Variants in CC2D2B observed in about 807,000 individuals in gnomAD.
CC2D2B encodes protein CC2D2B.
Under a neutral mutation model 161.2 loss-of-function variants are expected in CC2D2B, and 128 were observed. That is an observed-to-expected ratio of 0.79 (90% CI 0.69 to 0.92). The LOEUF (loss-of-function observed/expected upper bound fraction) is 0.92. CC2D2B is among the 40% of genes least tolerant of loss of function. The probability of loss-of-function intolerance (pLI) is 0.00; values close to 1 mark genes in which losing one functional copy is unlikely to be tolerated. For synonymous variants in CC2D2B, 391 were observed against 449.8 expected (o/e 0.87, Z 1.65); for missense variants, 1,173 against 1,375.1 (o/e 0.85, Z 2.32).
At chr10:95,962,958 C>T (rs1368318706) in intron 12 of CC2D2B, among the ~76,000 whole-genome samples, 1 of 152,054 alleles carries the variant, frequency 6.6e-6, no homozygotes, top group African/African-American at 2.4e-5. Context: ...TAGGGTTACC[C>T]AGAACAATGG....
chr10:95,973,861 C>CAA (rs576579109), intron 16 of CC2D2B, 148 bp from the exon 17 acceptor site: 4,645 of 231,842 alleles, frequency 0.02, 3 homozygotes, highest in Middle Eastern at 0.04. Context: ...AACTCTGTCT[C>CAA]AAAAAAAAAA....
intron 6 of CC2D2B, among the ~76,000 whole-genome samples, chr10:95,936,828 C>A (rs915993437): frequency 3.9e-5 from 6 of 152,132 alleles, no homozygotes; most frequent in African/African-American, 1.4e-4. Context: ...ACCATCAGGG[C>A]AGACCTTAGC....
intron 25 of CC2D2B, 30 bp downstream of exon 25, chr10:96,004,278 C>A: frequency 1.7e-6 from 2 of 1,153,874 alleles, no homozygotes; most frequent in Non-Finnish European, 1.2e-6. Flanking sequence ...ATAGCCAATG[C>A]TGAAATAATT....
intron 22 of CC2D2B, chr10:95,993,043 ACTCT>A (rs1690083066): frequency 6.0e-6 from 1 of 166,384 alleles, no homozygotes; most frequent in South Asian, 2.0e-4. Flanking sequence ...CATGCCACTG[ACTCT>A]CTCAGTACTG....
chr10:96,017,837 T>C (rs1157412199), intron 30 of CC2D2B, among the ~76,000 whole-genome samples: 1 of 152,044 alleles, frequency 6.6e-6, no homozygotes, highest in African/African-American at 2.4e-5. Flanking sequence ...ATACTTAGAC[T>C]GAGGAGGGAA....
At chr10:95,987,471 T>C (rs2077777259) in intron 19 of CC2D2B, among the ~76,000 whole-genome samples, 1 of 152,210 alleles carries the variant, frequency 6.6e-6, no homozygotes, top group Admixed American at 6.5e-5. Flanking sequence ...GAGCATGCGT[T>C]GTTTCATGGC....
chr10:95,971,567 C>T (rs1378426601), intron 15 of CC2D2B, among the ~76,000 whole-genome samples: 1 of 152,078 alleles, frequency 6.6e-6, no homozygotes, highest in Non-Finnish European at 1.5e-5. Flanking sequence ...CCTCCCTCAC[C>T]ACTCCCATAG....
chr10:95,988,526 T>A (rs1013375333), intron 20 of CC2D2B, among the ~76,000 whole-genome samples, 184 bp downstream of exon 20: 3 of 152,226 alleles, frequency 2.0e-5, no homozygotes, highest in African/African-American at 7.2e-5. Context: ...GGTTACTTCA[T>A]TGACAGTGAA....
chr10:95,923,012 G>C (rs1451407268), intron 3 of CC2D2B, among the ~76,000 whole-genome samples: 1 of 151,782 alleles, frequency 6.6e-6, no homozygotes, highest in Admixed American at 6.6e-5. Flanking sequence ...GAGTGCAATG[G>C]CGTGATCTCG....
chr10:95,931,129 C>G (rs1162754578), intron 6 of CC2D2B, among the ~76,000 whole-genome samples: 1 of 152,014 alleles, frequency 6.6e-6, no homozygotes, highest in African/African-American at 2.4e-5. Context: ...TGTATGTGTC[C>G]AGGAATTTAT....
rs576396959 is a variant in CC2D2B, at chr10:95,989,703, G to A, written c.2379+1361G>A. Among the ~76,000 whole-genome samples, 131 of 152,202 alleles carry A rather than the reference G, an allele frequency of 8.6e-4. 2 individuals are homozygous for A. The highest frequency in any genetic ancestry group is 2.8e-3 in the African/African-American group (115 of 41,532). ...TGCTTGAACTTCATACAGGAATCCC[G>A]GAAAGGCACTTTCCAAACATTTTGT... is the stretch of plus-strand genomic sequence containing the variant. On this transcript the variant is annotated intron_variant, in intron 20 of 34. Transcript: ENST00000646931.
rs17383738 is a variant in CC2D2B, at chr10:96,012,601, A to G, written c.3298A>G (p.Asn1100Asp). 202,685 of 1,611,982 alleles carry G rather than the reference A, an allele frequency of 0.13. 13,661 individuals carry two copies. Among genetic ancestry groups the G allele is most frequent in the African/African-American group, 0.15 (11,324 of 74,958 alleles). ...FKKNCKAMFP[N>D]RRIVTTVFND... ...AAAGAATTGTAAGGCAATGTTTCCCAACCGAAGAATCGTAACTACTGTTTT... is the reference window on the plus strand; with the variant it reads ...AAAGAATTGTAAGGCAATGTTTCCCGACCGAAGAATCGTAACTACTGTTTT... The change falls in exon 28 of 35, where the codon AAC becomes GAC. Residue 1100 changes from asparagine to aspartate, a missense_variant. Asn to Asp is a conservative substitution (Grantham distance 23). Coordinates refer to ENST00000646931, the MANE Select transcript of CC2D2B (RefSeq NM_001349008.3).
intron 33 of CC2D2B, 100 bp downstream of exon 33, chr10:96,025,011 G>T: frequency 1.5e-6 from 1 of 667,486 alleles, no homozygotes; most frequent in Non-Finnish European, 2.5e-6. Flanking sequence ...CATGAAAAAG[G>T]AGTTTATAAT....
intron 32 of CC2D2B, chr10:96,022,660 C>G (rs1257093372): frequency 6.6e-6 from 1 of 152,062 alleles, no homozygotes; most frequent in Non-Finnish European, 1.5e-5. Flanking sequence ...CTTGTTCATT[C>G]AGGTGATATT....
At chr10:95,939,767 G>A (rs538297886) in intron 9 of CC2D2B, among the ~76,000 whole-genome samples, 2 of 152,070 alleles carry the variant, frequency 1.3e-5, no homozygotes, top group Non-Finnish European at 2.9e-5. Flanking sequence ...ATGTCTGTTG[G>A]TTATTAGGAC....
At chr10:96,002,917 G>A (rs115231527) in intron 24 of CC2D2B, among the ~76,000 whole-genome samples, 4,381 of 151,732 alleles carry the variant, frequency 0.029, 101 homozygotes, top group African/African-American at 0.061. Flanking sequence ...TGGTGGTACA[G>A]CCTGTAGGCC....
chr10:95,919,546 A>G (rs1407203481), intron 2 of CC2D2B: 2 of 152,182 alleles, frequency 1.3e-5, no homozygotes, highest in Non-Finnish European at 1.5e-5. Context: ...AGTGATGCAG[A>G]CACTCCCATG....
At chr10:95,990,281 G>A (rs1039237886) in intron 20 of CC2D2B, among the ~76,000 whole-genome samples, 1 of 152,136 alleles carries the variant, frequency 6.6e-6, no homozygotes, top group Non-Finnish European at 1.5e-5. Context: ...GGGTTGGGGT[G>A]AGTAAGGGCA....
rs747558917 is a variant in CC2D2B at position 96,012,545 on chromosome 10, CAG to C, written c.3245_3246del (p.Glu1082GlyfsTer9). The C allele has an allele frequency of 1.9e-6, 3 of 1,608,942 alleles. No individual in the cohort carries two copies. The highest frequency in any genetic ancestry group is 8.5e-7 in the Non-Finnish European group (1 of 1,175,594). On this transcript the variant is annotated frameshift_variant, in exon 28 of 35. Transcript: ENST00000646931. LOFTEE classifies it high-confidence loss of function. ...ATTTTATTGTAGTTTTTAGATCAAA[CAG>C]AGGTCTTGCAGAGAGCACAGATTTT...
Sources: gnomAD v4.1 joint callset for allele counts (sites outside exome capture counted in the v4.1 genomes callset) on GRCh38, gnomAD v4.1.1 for gene constraint, MANE v1.5 for transcripts, NCBI Gene and HGNC (gene_info 2026-07-23, HGNC 2026-07-21) for gene names.